Variants in USP39 observed in about 807,000 individuals in gnomAD.
USP39 encodes ubiquitin specific peptidase 39.
USP39 carries 38 observed loss-of-function variants against 66.4 expected under a neutral mutation model. That is an observed-to-expected ratio of 0.57 (90% confidence interval 0.44 to 0.75). The LOEUF (loss-of-function observed/expected upper bound fraction) is 0.75. Among genes scored for constraint, USP39 ranks in the 30% least tolerant of loss-of-function variants. USP39 has a pLI of 0.00. For missense variants in USP39, 608 were observed against 714.4 expected (o/e 0.85, Z 1.70); for synonymous variants, 303 against 274.6 (o/e 1.10, Z -1.02).
intron 11 of USP39, among the ~76,000 whole-genome samples, chr2:85,647,360 A>G (rs1229470311): frequency 6.6e-6 from 1 of 152,102 alleles, no homozygotes; most frequent in Non-Finnish European, 1.5e-5. Flanking sequence ...GATGTACAGA[A>G]GTGTTTCAGA....
At chr2:85,615,493 A>C (rs1673857638), upstream of USP39, among the ~76,000 whole-genome samples, 1 of 152,102 alleles carries the variant, frequency 6.6e-6, no homozygotes, top group Non-Finnish European at 1.5e-5. Context: ...ACCTTCTAAA[A>C]GTAGAATTAG....
chr2:85,644,753 C>G (rs1404065202), intron 10 of USP39, among the ~76,000 whole-genome samples, 195 bp from the exon 11 acceptor site: 1 of 151,210 alleles, frequency 6.6e-6, no homozygotes. Flanking sequence ...ATATGGGAAG[C>G]TGTGTAACCC....
intron 1 of USP39, among the ~76,000 whole-genome samples, chr2:85,605,981 G>A (rs988119009): frequency 3.3e-5 from 5 of 152,148 alleles, no homozygotes; most frequent in African/African-American, 1.2e-4. Flanking sequence ...TTGCCAGCTG[G>A]ATAACAACTC....
At chr2:85,633,078 T>A (rs1352119090) in intron 6 of USP39, among the ~76,000 whole-genome samples, 1 of 152,038 alleles carries the variant, frequency 6.6e-6, no homozygotes, top group Admixed American at 6.5e-5. Flanking sequence ...TAAGCTACCA[T>A]AAGGAGCTTG....
At chr2:85,604,771 T>G (rs1273382105) in intron 1 of USP39, among the ~76,000 whole-genome samples, 1 of 152,214 alleles carries the variant, frequency 6.6e-6, no homozygotes, top group Admixed American at 6.5e-5. Context: ...TGAACCCTAA[T>G]TGGAAGCTTT....
At chr2:85,648,550 G>C (rs149664168) in intron 12 of USP39, among the ~76,000 whole-genome samples, 11 of 152,316 alleles carry the variant, frequency 7.2e-5, no homozygotes, top group African/African-American at 2.6e-4. Flanking sequence ...AAAAGCCATA[G>C]CTTTGTAAGA....
chr2:85,623,602 C>T, intron 3 of USP39, 44 bp from the exon 4 acceptor site: 1 of 1,589,304 alleles, frequency 6.3e-7, no homozygotes, highest in Non-Finnish European at 8.6e-7. Context: ...TCTGTGTGTT[C>T]TAGTATCTGC....
chr2:85,626,403 TGA>T (rs1216478561), intron 5 of USP39, among the ~76,000 whole-genome samples: 1 of 152,198 alleles, frequency 6.6e-6, no homozygotes, highest in African/African-American at 2.4e-5. Flanking sequence ...TATAGTCAGA[TGA>T]TCCTCAGACA....
rs1558854424 is a variant in USP39, at chr2:85,623,759, G to A, written c.547G>A (p.Asp183Asn). The change falls in exon 4 of 13, where the codon GAT becomes AAT. Residue 183 changes from aspartate (D) to asparagine (N), a missense_variant. Asp to Asn is a conservative substitution (Grantham distance 23, BLOSUM62 1). Transcript: ENST00000323701. ...YCLPDNYEII[D>N]SSLEDITYVL... is the part of the protein sequence containing the mutation. ...CCTTCCAGACAACTATGAGATCATC[G>A]ATTCCTCATTGGAGGATATCACGGT... 1 of 1,612,828 alleles carries A rather than the reference G, an allele frequency of 6.2e-7. No individual in the cohort carries two copies. Among genetic ancestry groups the A allele is most frequent in the Non-Finnish European group, 8.5e-7 (1 of 1,179,546 alleles).
chr2:85,622,122 ATT>A (rs1196215457), intron 3 of USP39, among the ~76,000 whole-genome samples: 1 of 141,430 alleles, frequency 7.1e-6, no homozygotes. Flanking sequence ...GCCCGGCCTA[ATT>A]TTTTTTTTTT....
chr2:85,637,266 G>T (rs1417902398), intron 7 of USP39, 103 bp from the exon 8 acceptor site: 10 of 1,243,992 alleles, frequency 8.0e-6, no homozygotes, highest in African/African-American at 1.5e-5. Flanking sequence ...TGTGTCTTTT[G>T]CTGGAAGATG....
chr2:85,611,258 C>A, upstream of USP39: 1 of 1,347,454 alleles, frequency 7.4e-7, no homozygotes, highest in Middle Eastern at 2.8e-4. Context: ...AAAAATTGAC[C>A]GTCATATATT....
chr2:85,616,564 GA>G, intron 1 of USP39, 101 bp downstream of exon 1: 1 of 1,242,568 alleles, frequency 8.0e-7, no homozygotes, highest in South Asian at 1.7e-5. Flanking sequence ...GGAGTTGGGG[GA>G]GGGGTGGGGT....
At chr2:85,645,126 C>A (rs1676542191) in intron 11 of USP39, 43 bp downstream of exon 11, 2 of 1,612,360 alleles carry the variant, frequency 1.2e-6, no homozygotes, top group Non-Finnish European at 8.5e-7. Context: ...GTGGCAAAAA[C>A]AGGTGTTTCT....
upstream of USP39, chr2:85,607,125 G>C (rs1028320019): frequency 6.6e-6 from 1 of 152,140 alleles, no homozygotes; most frequent in Admixed American, 6.6e-5. Flanking sequence ...CTTCTGAATT[G>C]TGTAATAAAA....
chr2:85,625,625 T>C lies in USP39; in HGVS notation c.657T>C (p.Thr219=), dbSNP rs748667082. Residue 219 remains threonine (T), a synonymous_variant, in exon 5 of 13, where the codon ACT becomes ACC. Coordinates refer to ENST00000323701, the MANE Select transcript of USP39 (RefSeq NM_006590.4). ...TGTCCCGGGCATATGATGGTACCAC[T>C]TACCTGCCGGGTATTGTGGGACTGA... The part of the protein sequence containing the change: ...AKLSRAYDGT[T]YLPGIVGLNN... 9.9e-6 allele frequency: 16 copies of C among 1,613,926 alleles called. No homozygotes were observed. Among genetic ancestry groups the C allele is most frequent in the African/African-American group, 2.7e-5 (2 of 74,914 alleles).
intron 9 of USP39, chr2:85,639,667 C>A: frequency 4.0e-6 from 1 of 249,944 alleles, no homozygotes; most frequent in Non-Finnish European, 7.8e-6. Context: ...AGGTTGGTCT[C>A]GAACTCTTGA....
chr2:85,641,887 G>A (rs1396525163), intron 10 of USP39, among the ~76,000 whole-genome samples: 1 of 145,650 alleles, frequency 6.9e-6, no homozygotes, highest in Non-Finnish European at 1.5e-5. Context: ...CTGGGTCTGG[G>A]TGACAGAGTG....
intron 4 of USP39, 59 bp from the exon 5 acceptor site, chr2:85,625,480 A>G: frequency 6.2e-6 from 10 of 1,602,536 alleles, no homozygotes; most frequent in Non-Finnish European, 8.5e-6. Flanking sequence ...AATTACTGTT[A>G]CAGACATTTC....
Sources: allele counts gnomAD v4.1 joint callset (sites outside exome capture counted in the v4.1 genomes callset), GRCh38; gene constraint gnomAD v4.1.1; transcripts MANE v1.5; gene names NCBI Gene and HGNC (gene_info 2026-07-23, HGNC 2026-07-21).